Variants in DAAM2 observed in about 807,000 individuals in gnomAD.
DAAM2 encodes dishevelled associated activator of morphogenesis 2.
A neutral mutation model predicts 120.7 loss-of-function variants in DAAM2; 39 were observed. The ratio of observed to expected loss-of-function variants is 0.32; its 90% CI spans 0.25 to 0.42. DAAM2 has a LOEUF of 0.42. Among genes scored for constraint, DAAM2 ranks in the 10% least tolerant of loss-of-function variants. The probability of loss-of-function intolerance (pLI) is 1.00; values close to 1 mark genes in which losing one functional copy is unlikely to be tolerated. For synonymous variants in DAAM2, 488 were observed against 524.9 expected (o/e 0.93, Z 0.96); for missense variants, 1,283 against 1,401.7 (o/e 0.92, Z 1.35).
At chr6:39,888,876 G>T in intron 17 of DAAM2, 113 bp downstream of exon 17, 1 of 688,244 alleles carries the variant, frequency 1.5e-6, no homozygotes, top group South Asian at 2.4e-5. Flanking sequence ...CAGGCTGGAA[G>T]AGTTAGGGAG....
At chr6:39,818,357 C>G (rs1762377966) in intron 1 of DAAM2, among the ~76,000 whole-genome samples, 2 of 152,134 alleles carry the variant, frequency 1.3e-5, no homozygotes, top group African/African-American at 4.8e-5. Context: ...GTACCATCCT[C>G]TGTGTGTAAT....
intron 11 of DAAM2, among the ~76,000 whole-genome samples, chr6:39,876,159 AAC>A (rs1235162367): frequency 1.3e-5 from 2 of 152,224 alleles, no homozygotes; most frequent in East Asian, 1.9e-4. Flanking sequence ...TGGATAGAGA[AAC>A]ACAGAGAAAC....
At chr6:39,893,124 A>T (rs1183341058) in intron 19 of DAAM2, among the ~76,000 whole-genome samples, 1 of 152,254 alleles carries the variant, frequency 6.6e-6, no homozygotes, top group Admixed American at 6.5e-5. Context: ...TCAGTGGAAC[A>T]AATGTGAGCA....
chr6:39,840,676 G>C (rs181714830), intron 1 of DAAM2, among the ~76,000 whole-genome samples: 8 of 152,130 alleles, frequency 5.3e-5, no homozygotes, highest in Admixed American at 5.2e-4. Flanking sequence ...GTTTTGGAGG[G>C]GAGAGGATAC....
chr6:39,822,457 A>G (rs1221424602), intron 1 of DAAM2: 1 of 152,174 alleles, frequency 6.6e-6, no homozygotes, highest in African/African-American at 2.4e-5. Flanking sequence ...ATAATATGGC[A>G]TGGTGGAATT....
chr6:39,813,935 T>G (rs951557859), intron 1 of DAAM2, among the ~76,000 whole-genome samples: 1 of 152,098 alleles, frequency 6.6e-6, no homozygotes, highest in African/African-American at 2.4e-5. Context: ...TCAAGTGAGG[T>G]GTGGAAAAGG....
chr6:39,900,572 A>G (rs1412569688), intron 23 of DAAM2, among the ~76,000 whole-genome samples: 1 of 152,182 alleles, frequency 6.6e-6, no homozygotes, highest in Non-Finnish European at 1.5e-5. Context: ...ATCTGACACC[A>G]CAGCTCAGCA....
At chr6:39,888,237 CTG>C (rs1332148094) in intron 16 of DAAM2, 1 of 157,488 alleles carries the variant, frequency 6.3e-6, no homozygotes, top group Non-Finnish European at 1.4e-5. Flanking sequence ...TGTCAGAAGA[CTG>C]AGAGCGATTC....
intron 15 of DAAM2, 83 bp downstream of exon 15, chr6:39,884,152 CTTCCTTTCCT>C (rs879010317): frequency 6.5e-5 from 48 of 734,158 alleles, no homozygotes; most frequent in African/African-American, 1.2e-4. Flanking sequence ...GCCTGCCTGC[CTTCCTTTCCT>C]TTCCTTTCCT....
Position 39,878,671 on chromosome 6 carries a change from G to A in DAAM2, c.1545+83G>A. The stretch of plus-strand genomic sequence containing the variant: ...GGTGGGCAGAGCAGGTGTCGGAGAG[G>A]CCAAGGACCCCAGCATGAGGGAGAA... On this transcript the variant is annotated intron_variant, in intron 13 of 24. Transcript: ENST00000274867. This position sits in a 1 kb window ranked among gnomAD's most constrained non-coding sequence, Gnocchi z 5.0. 1 of 1,393,428 alleles carries A rather than the reference G, an allele frequency of 7.2e-7. No individual in the cohort carries two copies. The highest frequency in any genetic ancestry group is 9.7e-7 in the Non-Finnish European group (1 of 1,028,356). The allele number at this position is 1,393,428 out of a possible 1,614,324, so 86.3% of individuals were successfully genotyped here.
At chr6:39,821,106 C>T (rs1265470990) in intron 1 of DAAM2, 1 of 152,230 alleles carries the variant, frequency 6.6e-6, no homozygotes, top group East Asian at 1.9e-4. Flanking sequence ...CTTATCCTCC[C>T]TTGCTCCTTC....
intron 1 of DAAM2, among the ~76,000 whole-genome samples, chr6:39,826,264 A>AT (rs11390604): frequency 0.23 from 34,870 of 150,778 alleles, 4,512 homozygotes; most frequent in East Asian, 0.44. Context: ...TTAGTAGCAG[A>AT]TTTTTTTTTT....
intron 7 of DAAM2, among the ~76,000 whole-genome samples, chr6:39,869,756 T>G (rs963497756): frequency 0.052 from 2,157 of 41,378 alleles, 38 homozygotes; most frequent in African/African-American, 0.15. Flanking sequence ...CAGCATACTT[T>G]TTTTTTTTTT....
At chr6:39,868,717 A>T in intron 6 of DAAM2, 106 bp from the exon 7 acceptor site, 1 of 773,508 alleles carries the variant, frequency 1.3e-6, no homozygotes, top group Non-Finnish European at 2.2e-6. Flanking sequence ...TGGAGAGAGC[A>T]GATGGGGCAT....
intron 19 of DAAM2, among the ~76,000 whole-genome samples, chr6:39,891,996 G>A (rs1421334633): frequency 6.6e-6 from 1 of 152,188 alleles, no homozygotes; most frequent in Non-Finnish European, 1.5e-5. Context: ...GCCCCAGCAT[G>A]GGATGGAAAG....
intron 1 of DAAM2, among the ~76,000 whole-genome samples, chr6:39,796,845 C>T (rs1190781058): frequency 6.6e-6 from 1 of 151,782 alleles, no homozygotes; most frequent in Non-Finnish European, 1.5e-5. Context: ...AGAACAATAA[C>T]TATTCTCATT....
intron 1 of DAAM2, among the ~76,000 whole-genome samples, chr6:39,802,141 A>G (rs779525057): frequency 2.6e-5 from 4 of 152,252 alleles, no homozygotes; most frequent in Non-Finnish European, 2.9e-5. Flanking sequence ...CTTCCAAGAC[A>G]CAAAGTCAAT....
intron 3 of DAAM2, chr6:39,861,994 C>G (rs895943397): frequency 1.3e-5 from 2 of 152,334 alleles, no homozygotes; most frequent in African/African-American, 4.8e-5. Flanking sequence ...GAGGTCTCCA[C>G]ACTGAGCCAG....
intron 14 of DAAM2, among the ~76,000 whole-genome samples, chr6:39,883,233 T>G: frequency 6.7e-6 from 1 of 150,110 alleles, no homozygotes; most frequent in Non-Finnish European, 1.5e-5. Context: ...CAGACCCTAG[T>G]GCAAGGGTCC....
Sources: allele counts gnomAD v4.1 joint callset (sites outside exome capture counted in the v4.1 genomes callset), GRCh38; gene constraint gnomAD v4.1.1; non-coding constraint Gnocchi (gnomAD v3.1); transcripts MANE v1.5; gene names NCBI Gene and HGNC (gene_info 2026-07-23, HGNC 2026-07-21).